Variants in ITGA8 observed in about 807,000 individuals in gnomAD.
ITGA8 encodes the protein integrin alpha-8.
ITGA8 carries 91 observed loss-of-function variants against 142.3 expected under a neutral mutation model. The ratio of observed to expected loss-of-function variants is 0.64; its 90% CI spans 0.54 to 0.76. ITGA8 has a LOEUF of 0.76. Ranked by LOEUF, ITGA8 falls within the 30% of genes least tolerant of loss-of-function variation. The probability of loss-of-function intolerance (pLI) is 0.00; values close to 1 mark genes in which losing one functional copy is unlikely to be tolerated. For synonymous variants in ITGA8, 505 were observed against 485.2 expected, an observed-to-expected ratio of 1.04 and a Z score of -0.54; for missense variants, 1,406 against 1,327.7, an observed-to-expected ratio of 1.06 and a Z score of -0.92.
rs1473422754 is a variant in ITGA8, at chr10:15,616,569, A to G, written c.1400-10T>C. 1 of 1,610,712 alleles carries G rather than the reference A, an allele frequency of 6.2e-7. No homozygotes were observed. The highest frequency in any genetic ancestry group is 1.7e-5 in the Admixed American group (1 of 60,028). On this transcript the variant is annotated splice_polypyrimidine_tract_variant and intron_variant, in intron 13 of 29. Coordinates refer to ENST00000378076, the MANE Select transcript of ITGA8 (RefSeq NM_003638.3). ...GCACCCACAATCAAATCTTAAAAAG[A>G]CAAAAACACAGAACACATGCGTGAA...
chr10:15,657,509 C>CTTTTTTTTTTTTTTTTTTTTTT (rs534714654), intron 10 of ITGA8, among the ~76,000 whole-genome samples: 1 of 116,494 alleles, frequency 8.6e-6, no homozygotes, highest in Admixed American at 9.3e-5. Context: ...TCTTTTCTTT[C>CTTTTTTTTTTTTTTTTTTTTTT]ATTTTTTTTT....
At chr10:15,575,743 G>T in intron 23 of ITGA8, 149 bp from the exon 24 acceptor site, 1 of 624,558 alleles carries the variant, frequency 1.6e-6, no homozygotes, top group Non-Finnish European at 2.9e-6. Context: ...TGAAAGTGAT[G>T]TACAGTAGAA....
rs1833154315 is a variant in ITGA8 at position 15,604,300 on chromosome 10, C to A, written c.2026G>T (p.Ala676Ser). The A allele has an allele frequency of 1.2e-6, 2 of 1,612,428 alleles. No homozygotes were observed. Among genetic ancestry groups the A allele is most frequent in the South Asian group, 1.1e-5 (1 of 91,002 alleles). ...TATGCTCCTTCCCCTTCATTTCTTG[C>A]ATTTATTATGAGCATAAGGTGATTT... ...DENHLMLIIN[A>S]RNEGEGAYEA... Residue 676 changes from alanine to serine, a missense_variant, in exon 20 of 30, where the codon GCA becomes TCA. Coordinates refer to ENST00000378076, the MANE Select transcript of ITGA8 (RefSeq NM_003638.3).
intron 21 of ITGA8, among the ~76,000 whole-genome samples, chr10:15,594,469 T>C (rs1832980105): frequency 6.6e-6 from 1 of 152,068 alleles, no homozygotes; most frequent in East Asian, 1.9e-4. Flanking sequence ...ACCTGGCATA[T>C]AGAAGCAGTG....
intron 15 of ITGA8, among the ~76,000 whole-genome samples, chr10:15,610,814 A>G (rs1833280327): frequency 1.3e-5 from 2 of 152,184 alleles, no homozygotes; most frequent in Admixed American, 1.3e-4. Context: ...ACAGTCACTC[A>G]CATCTGACAA....
intron 11 of ITGA8, among the ~76,000 whole-genome samples, chr10:15,652,194 CAAAT>C (rs1318949449): frequency 1.3e-5 from 2 of 152,136 alleles, no homozygotes; most frequent in Non-Finnish European, 2.9e-5. Context: ...CTTAACATGA[CAAAT>C]AAAAAGTACT....
chr10:15,635,951 A>ACACACACT (rs1164600581), intron 13 of ITGA8, among the ~76,000 whole-genome samples: 1 of 151,856 alleles, frequency 6.6e-6, no homozygotes, highest in Non-Finnish European at 1.5e-5. Flanking sequence ...ACACACACAC[A>ACACACACT]CACACAGAGC....
At chr10:15,548,417 G>A (rs778181797) in intron 27 of ITGA8, 38 bp downstream of exon 27, 17 of 1,375,800 alleles carry the variant, frequency 1.2e-5, no homozygotes, top group Non-Finnish European at 1.6e-5. Flanking sequence ...GCAGCTCCCA[G>A]TGAGCAGTGT....
chr10:15,699,869 G>A (rs925558445), intron 2 of ITGA8, among the ~76,000 whole-genome samples: 1 of 152,252 alleles, frequency 6.6e-6, no homozygotes, highest in Non-Finnish European at 1.5e-5. Flanking sequence ...CCATGGAATG[G>A]TACCTCATTT....
Position 15,575,521 on chromosome 10 carries a change from C to T in ITGA8, c.2446G>A (p.Glu816Lys), listed in dbSNP as rs536892870. 2 of 1,614,026 alleles carry T rather than the reference C, an allele frequency of 1.2e-6. No homozygotes were observed. Among genetic ancestry groups the T allele is most frequent in the South Asian group, 1.1e-5 (1 of 91,074 alleles). Residue 816 changes from glutamate (E) to lysine (K), a missense_variant, in exon 24 of 30, where the codon GAG becomes AAG. By Grantham distance (56) the Glu-to-Lys change is moderately conservative (BLOSUM62 1). Transcript: ENST00000378076. ...ATATGTTCCACCAATGGTCCAACCT[C>T]CTCCTCTTTGTGGGGCTCCTCTTCT... ...EPEEEPHKEEEVGPLVEHIYE... is the reference protein window; with the variant it reads ...EPEEEPHKEEKVGPLVEHIYE...
intron 3 of ITGA8, 135 bp downstream of exon 3, chr10:15,687,803 T>TA: frequency 3.5e-6 from 2 of 566,526 alleles, no homozygotes; most frequent in Non-Finnish European, 3.2e-6. Context: ...TAGTTGCTTT[T>TA]AAAATGCCAA....
At chr10:15,596,981 A>G (rs1833020920) in intron 21 of ITGA8, 1 of 504,672 alleles carries the variant, frequency 2.0e-6, no homozygotes, top group South Asian at 3.4e-5. Context: ...AGAGTAATGT[A>G]TAAAGAGAAA....
intron 29 of ITGA8, 97 bp from the exon 30 acceptor site, chr10:15,517,341 T>TA: frequency 1.4e-6 from 1 of 692,392 alleles, no homozygotes; most frequent in Admixed American, 3.0e-5. Flanking sequence ...TTTTTTTTTT[T>TA]AAACTGAGTC....
At chr10:15,635,187 A>G (rs559595309) in intron 13 of ITGA8, among the ~76,000 whole-genome samples, 8 of 151,632 alleles carry the variant, frequency 5.3e-5, no homozygotes, top group African/African-American at 1.9e-4. Context: ...TTGTATTTTT[A>G]GTAGAGACAG....
At chr10:15,649,553 G>C (rs914089222) in intron 11 of ITGA8, among the ~76,000 whole-genome samples, 2 of 151,250 alleles carry the variant, frequency 1.3e-5, no homozygotes, top group East Asian at 3.9e-4. Flanking sequence ...GCTTGAACCC[G>C]GGAGGCAGAG....
At chr10:15,518,348 G>C (rs1833000912) in intron 29 of ITGA8, among the ~76,000 whole-genome samples, 1 of 152,116 alleles carries the variant, frequency 6.6e-6, no homozygotes, top group Admixed American at 6.5e-5. Context: ...TATACTCATT[G>C]GAAATACAGT....
At chr10:15,615,220 C>T (rs1036183372) in intron 14 of ITGA8, among the ~76,000 whole-genome samples, 19 of 152,198 alleles carry the variant, frequency 1.2e-4, no homozygotes, top group Non-Finnish European at 2.6e-4. Context: ...CTGAGTGGTG[C>T]ACTCCACAGC....
chr10:15,532,876 A>G (rs1833339947), intron 27 of ITGA8, among the ~76,000 whole-genome samples: 1 of 152,234 alleles, frequency 6.6e-6, no homozygotes, highest in Non-Finnish European at 1.5e-5. Flanking sequence ...TTGCTATTTT[A>G]TTACATTTGA....
chr10:15,625,755 G>T (rs868602969), intron 13 of ITGA8, among the ~76,000 whole-genome samples: 1 of 152,212 alleles, frequency 6.6e-6, no homozygotes, highest in Non-Finnish European at 1.5e-5. Flanking sequence ...GACTATATTA[G>T]GAGATAGTGA....
Sources: gnomAD v4.1 joint callset for allele counts (sites outside exome capture counted in the v4.1 genomes callset) on GRCh38, gnomAD v4.1.1 for gene constraint, MANE v1.5 for transcripts, NCBI Gene and HGNC (gene_info 2026-07-23, HGNC 2026-07-21) for gene names.